Variants in PICALM observed in about 807,000 individuals in gnomAD.
The protein encoded by PICALM is phosphatidylinositol-binding clathrin assembly protein.
Under a neutral mutation model 80.5 loss-of-function variants are expected in PICALM, and 40 were observed. That is an observed-to-expected ratio of 0.50 (90% CI 0.39 to 0.65). The LOEUF (loss-of-function observed/expected upper bound fraction) is 0.65. Among genes scored for constraint, PICALM ranks in the 30% least tolerant of loss-of-function variants. PICALM has a pLI of 0.00. For synonymous variants in PICALM, 288 were observed against 260.3 expected (o/e 1.11, Z -1.02); for missense variants, 676 against 778.9 (o/e 0.87, Z 1.57).
In PICALM at chr11:86,062,104, G is replaced by T. The variant is rs552931902; in HGVS notation, c.130+6547C>A. On this transcript the variant is annotated intron_variant, in intron 1 of 19. Transcript: ENST00000393346. ...AAAAATAGTGGTTGCCAGTGGCTGG[G>T]GAAGAGAAGGGATGGCGAGGGGGAG... Among the ~76,000 whole-genome samples the T allele has an allele frequency of 2.2e-4, 33 of 152,310 alleles. 1 individual carries two copies. The South Asian group carries it at 6.6e-3, about 31-fold the overall frequency.
At chr11:86,062,077 CA>C (rs2096375563) in intron 1 of PICALM, among the ~76,000 whole-genome samples, 1 of 152,078 alleles carries the variant, frequency 6.6e-6, no homozygotes, top group African/African-American at 2.4e-5. Flanking sequence ...AGACAGTTAA[CA>C]AAAAATAGTG....
chr11:85,973,178 T>C (rs1398690744), intron 19 of PICALM, among the ~76,000 whole-genome samples: 2 of 152,176 alleles, frequency 1.3e-5, no homozygotes, highest in African/African-American at 4.8e-5. Context: ...AATGTATTAA[T>C]TGCAACCAAC....
intron 12 of PICALM, among the ~76,000 whole-genome samples, chr11:85,992,258 T>C (rs1480265484): frequency 6.6e-6 from 1 of 150,460 alleles, no homozygotes; most frequent in Admixed American, 6.7e-5. Flanking sequence ...GTTGGCCAGT[T>C]AGGCTGAAAG....
chr11:86,069,096 C>A, upstream of PICALM: 1 of 309,716 alleles, frequency 3.2e-6, no homozygotes, highest in South Asian at 6.0e-5. Context: ...GCGCCAGGCT[C>A]CTCCTCGGAG....
At chr11:86,034,174 C>T (rs1283332984) in intron 1 of PICALM, among the ~76,000 whole-genome samples, 1 of 152,022 alleles carries the variant, frequency 6.6e-6, no homozygotes, top group Non-Finnish European at 1.5e-5. Context: ...GATTATGAAT[C>T]CAGAATAGAC....
intron 1 of PICALM, among the ~76,000 whole-genome samples, chr11:86,060,597 T>A (rs979134114): frequency 6.6e-6 from 1 of 152,108 alleles, no homozygotes; most frequent in Admixed American, 6.6e-5. Context: ...CTCACAAACT[T>A]GCTGAAATGG....
intron 12 of PICALM, among the ~76,000 whole-genome samples, chr11:85,991,099 TTATC>T (rs749509657): frequency 2.1e-4 from 32 of 152,176 alleles, no homozygotes; most frequent in Non-Finnish European, 4.4e-5. Flanking sequence ...ATCAAATCCT[TTATC>T]TAAAGTTATT....
intron 1 of PICALM, among the ~76,000 whole-genome samples, chr11:86,041,433 C>A (rs546120270): frequency 6.6e-6 from 1 of 152,020 alleles, no homozygotes; most frequent in Non-Finnish European, 1.5e-5. Context: ...ACTTCAAGAA[C>A]GGAACACAGA....
At chr11:86,028,131 T>C (rs138910328) in intron 2 of PICALM, among the ~76,000 whole-genome samples, 1 of 152,224 alleles carries the variant, frequency 6.6e-6, no homozygotes, top group African/African-American at 2.4e-5. Context: ...TATATTTAGC[T>C]GCAAAGACAT....
At chr11:86,068,512 C>T (rs150737627) in intron 1 of PICALM, 139 bp downstream of exon 1, 4 of 748,332 alleles carry the variant, frequency 5.3e-6, no homozygotes, top group Non-Finnish European at 8.4e-6. Context: ...CACAGCTCAA[C>T]GGGCACAGGA....
intron 7 of PICALM, among the ~76,000 whole-genome samples, chr11:86,008,952 C>CAAAAAAAAAAAAAAAAAAAAAAAAA (rs59740555): frequency 4.8e-5 from 3 of 62,832 alleles, no homozygotes; most frequent in Admixed American, 2.0e-4. Flanking sequence ...AAAAAAAAGC[C>CAAAAAAAAAAAAAAAAAAAAAAAAA]AAAAAAAAAA....
intron 11 of PICALM, among the ~76,000 whole-genome samples, chr11:86,000,336 C>CCAAT (rs1354502157): frequency 6.6e-6 from 1 of 152,114 alleles, no homozygotes; most frequent in African/African-American, 2.4e-5. Context: ...GGGTCTTGAA[C>CCAAT]CATTAGATGC....
In PICALM at chr11:86,024,931, A is replaced by C. The variant is rs1168807571; in HGVS notation, c.349+1361T>G. 2.0e-5 allele frequency among the ~76,000 whole-genome samples: 3 copies of C among 152,114 alleles called. No homozygotes were observed. The East Asian group carries it at 5.8e-4, about 29-fold the overall frequency. On this transcript the variant is annotated intron_variant, in intron 3 of 19. Coordinates refer to ENST00000393346, the MANE Select transcript of PICALM (RefSeq NM_007166.4). ...CACCTTCTCTAAAGACATTTCCCTG[A>C]TTGAGCCTCACTGTTGAATATTCCC...
At position 85,974,730 on chromosome 11, in the gene PICALM, A is replaced by AAGGGGTTTGGAGGTC. The variant is rs774125959; in HGVS notation, c.1907_1921dup (p.Pro640_Phe641insTer). ...TACCTGTGCTCCTGATACAGGGCCA[A>AAGGGGTTTGGAGGTC]AGGGGTTTGGAGGTCTCATGACAGG... On this transcript the variant is annotated stop_gained, in exon 19 of 20. Coordinates refer to ENST00000393346, the MANE Select transcript of PICALM (RefSeq NM_007166.4). LOFTEE classifies it high-confidence loss of function. The AAGGGGTTTGGAGGTC allele has an allele frequency of 1.9e-6, 3 of 1,612,052 alleles. No homozygotes were observed. Among genetic ancestry groups the AAGGGGTTTGGAGGTC allele is most frequent in the Non-Finnish European group, 2.5e-6 (3 of 1,178,132 alleles).
At chr11:85,991,924 G>C (rs659801) in intron 12 of PICALM, among the ~76,000 whole-genome samples, 1 of 151,878 alleles carries the variant, frequency 6.6e-6, no homozygotes, top group Non-Finnish European at 1.5e-5. Context: ...GGTACAATCA[G>C]AGCTCACTGT....
intron 3 of PICALM, among the ~76,000 whole-genome samples, chr11:86,025,140 G>A (rs2095629382): frequency 2.6e-5 from 4 of 152,240 alleles, no homozygotes; most frequent in Non-Finnish European, 1.5e-5. Flanking sequence ...GGTGGCTCAC[G>A]CCTGTAATCC....
intron 1 of PICALM, among the ~76,000 whole-genome samples, chr11:86,041,883 T>C (rs116916488): frequency 3.8e-3 from 574 of 152,324 alleles, no homozygotes; most frequent in Non-Finnish European, 5.5e-3. Flanking sequence ...AAATGCTCTA[T>C]AGAAAAACAT....
chr11:85,961,302 T>C (rs987676211), intron 19 of PICALM, among the ~76,000 whole-genome samples: 2 of 152,208 alleles, frequency 1.3e-5, no homozygotes, highest in Non-Finnish European at 2.9e-5. Context: ...CGAAGTTGTC[T>C]CCTGCTCATT....
Position 86,012,392 on chromosome 11 carries a change from C to A in PICALM, c.547G>T (p.Val183Phe). 1 of 1,566,318 alleles carries A rather than the reference C, an allele frequency of 6.4e-7. No individual in the cohort carries two copies. ...NQMDALLDFN[V>F]NSNELTNGVI... The stretch of plus-strand genomic sequence containing the variant: ...CCATTTGTAAGTTCATTGCTATTAA[C>A]CTAGGGAAAAATTGGAAAATAAAAT... Residue 183 changes from valine (V) to phenylalanine (F), a missense_variant and splice_region_variant, in exon 6 of 20, where the codon GTT becomes TTT. Val to Phe is a conservative substitution (Grantham distance 50). This residue lies in a region of PICALM where 285 missense variants were observed against 395.4 expected (regional missense o/e 0.72). Coordinates refer to ENST00000393346, the MANE Select transcript of PICALM (RefSeq NM_007166.4).
Sources: allele counts gnomAD v4.1 joint callset (sites outside exome capture counted in the v4.1 genomes callset), GRCh38; gene constraint gnomAD v4.1.1; regional missense constraint gnomAD v4.1.1; transcripts MANE v1.5; gene names NCBI Gene and HGNC (gene_info 2026-07-23, HGNC 2026-07-21).